CENATAC: variants seen among roughly 807,000 people sequenced by gnomAD.
CENATAC encodes the protein centrosomal AT-AC splicing factor.
In CENATAC, 53 loss-of-function variants were observed where a neutral mutation model predicts 53.7. That is an observed-to-expected ratio of 0.99 (90% CI 0.79 to 1.24). CENATAC has a LOEUF of 1.24. Ranked by LOEUF, CENATAC falls within the 50% of genes most tolerant of loss-of-function variation. The pLI is 0.00. For missense variants in CENATAC, 474 were observed against 417.8 expected, an observed-to-expected ratio of 1.13 and a Z score of -1.17; for synonymous variants, 156 against 144.6, an observed-to-expected ratio of 1.08 and a Z score of -0.57.
In CENATAC at chr11:119,015,282, TAA is replaced by T. The variant is rs139127336; in HGVS notation, c.806-22_806-21del. On this transcript the variant is annotated intron_variant, in intron 9 of 10. Transcript: ENST00000334418. ...CTCTATATTCTTCAATAAAGAAAAA[TAA>T]AAGTTTCCCTATCATTGTACAGAGG... The T allele has an allele frequency of 3.8e-3, 6,091 of 1,583,948 alleles. 192 individuals carry two copies. In the African/African-American group the frequency reaches 0.073, roughly 19 times the overall value.
At chr11:119,012,612 A>G (rs377522007) in intron 7 of CENATAC, 1 of 196,482 alleles carries the variant, frequency 5.1e-6, no homozygotes, top group Non-Finnish European at 1.1e-5. Flanking sequence ...TATCCTGTCA[A>G]CAAGCGGTCA....
At chr11:118,999,267 A>G (rs1010841958) in intron 3 of CENATAC, 158 bp downstream of exon 3, 2 of 573,342 alleles carry the variant, frequency 3.5e-6, no homozygotes, top group African/African-American at 3.7e-5. Context: ...ATTGGACACA[A>G]AAATGTGACA....
intron 5 of CENATAC, 57 bp downstream of exon 5, chr11:119,011,340 C>T: frequency 6.6e-7 from 1 of 1,523,470 alleles, no homozygotes; most frequent in Non-Finnish European, 9.1e-7. Flanking sequence ...CCCTGGCATT[C>T]CCAGGTCCAG....
At chr11:119,008,969 GT>G (rs1942739783) in intron 3 of CENATAC, among the ~76,000 whole-genome samples, 1 of 136,324 alleles carries the variant, frequency 7.3e-6, no homozygotes, top group African/African-American at 3.4e-5. Context: ...TCCAAGTTGG[GT>G]CAAAGTGGCT....
Position 119,015,665 on chromosome 11 carries a change from C to G in CENATAC, c.*67C>G, listed in dbSNP as rs763460226. 8.7e-6 allele frequency: 13 copies of G among 1,487,118 alleles called. No individual in the cohort carries two copies. Among genetic ancestry groups the G allele is most frequent in the African/African-American group, 1.4e-5 (1 of 71,896 alleles). 92.1% of individuals were successfully genotyped at this position (1,487,118 alleles called of 1,614,324 possible). On this transcript the variant is annotated 3_prime_UTR_variant, in exon 11 of 11. Coordinates refer to ENST00000334418, the MANE Select transcript of CENATAC (RefSeq NM_198489.3). ...AACAAACCCCTATTATACCTTCCAC[C>G]AAATTCTTTATCATTGTCTTTCTTA...
intron 2 of CENATAC, 90 bp from the exon 3 acceptor site, chr11:118,998,921 G>A: frequency 2.0e-6 from 2 of 991,504 alleles, no homozygotes; most frequent in Non-Finnish European, 3.1e-6. Context: ...CAGAAACCCA[G>A]ATGTCAGTTT....
At chr11:119,014,849 G>A (rs912337727) in intron 8 of CENATAC, 145 bp from the exon 9 acceptor site, 12 of 564,504 alleles carry the variant, frequency 2.1e-5, no homozygotes, top group Non-Finnish European at 3.4e-5. Context: ...ATTAGCCTAG[G>A]GCCTTCTAAA....
chr11:119,015,136 G>C (rs1943096075), intron 9 of CENATAC, 53 bp downstream of exon 9: 1 of 1,529,778 alleles, frequency 6.5e-7, no homozygotes, highest in African/African-American at 1.4e-5. Context: ...CTCAAAAATG[G>C]TTTCCTTGCC....
At position 119,012,082 on chromosome 11, in the gene CENATAC, C is replaced by T. The variant is rs1942894180; in HGVS notation, c.579-67C>T. On this transcript the variant is annotated intron_variant, in intron 6 of 10. Coordinates refer to ENST00000334418, the MANE Select transcript of CENATAC (RefSeq NM_198489.3). ...CAACCTTTTGCCTGGGAAATGGAAACAGATCTAATCTTTACCACCCTCATG... is the reference window on the plus strand; with the variant it reads ...CAACCTTTTGCCTGGGAAATGGAAATAGATCTAATCTTTACCACCCTCATG... The T allele has an allele frequency of 2.5e-6, 4 of 1,613,768 alleles. No individual in the cohort carries two copies. In the East Asian group the frequency reaches 8.9e-5, roughly 36 times the overall value.
rs782196171 is a variant in CENATAC at position 119,011,271 on chromosome 11, G to A, written c.501G>A (p.Arg167=). Residue 167 remains arginine (R), a synonymous_variant, in exon 5 of 11, where the codon CGG becomes CGA. Transcript: ENST00000334418. The part of the protein sequence containing the change: ...EVEQSRQEVV[R]SVLEPQAVPD... ...AGCAGAGCCGACAGGAGGTGGTTCG[G>A]TCTGTCTTAGAGGTTGGTTTCCCTC... The A allele has an allele frequency of 1.8e-5, 29 of 1,614,010 alleles. No individual in the cohort carries two copies. Among genetic ancestry groups the A allele is most frequent in the Non-Finnish European group, 2.5e-5 (29 of 1,179,992 alleles).
At chr11:119,013,517 G>T (rs553329092) in intron 8 of CENATAC, among the ~76,000 whole-genome samples, 172 of 149,024 alleles carry the variant, frequency 1.2e-3, no homozygotes, top group African/African-American at 4.2e-3. Flanking sequence ...AGGCTGGAGT[G>T]CAGTGGCGGG....
chr11:118,998,529 C>T lies in CENATAC; in HGVS notation c.220C>T (p.Arg74Trp), dbSNP rs1942127188. The change falls in exon 2 of 11, where the codon CGG becomes TGG. Residue 74 changes from arginine to tryptophan, a missense_variant. Physicochemically the swap from Arg to Trp is moderately radical, Grantham distance 101. Transcript: ENST00000334418. ...GTGCCTGTGCTGCGGCTGTGAGGTGCGGGAACACCTGAGCCATGGAAACCT... is the reference window on the plus strand; with the variant it reads ...GTGCCTGTGCTGCGGCTGTGAGGTGTGGGAACACCTGAGCCATGGAAACCT... The part of the protein sequence containing the change: ...CWCLCCGCEV[R>W]EHLSHGNLTV... 5.6e-6 allele frequency: 9 copies of T among 1,605,406 alleles called. No homozygotes were observed. Among genetic ancestry groups the T allele is most frequent in the South Asian group, 4.5e-5 (4 of 89,746 alleles).
At chr11:119,011,367 GCTTCTT>G (rs772166384) in intron 5 of CENATAC, 84 bp downstream of exon 5, 201 of 1,280,450 alleles carry the variant, frequency 1.6e-4, no homozygotes, top group Non-Finnish European at 2.0e-4. Context: ...ATGGACTAGT[GCTTCTT>G]CTTCTTCTTT....
chr11:119,013,007 C>T lies in CENATAC; in HGVS notation c.685-225C>T, dbSNP rs1592077659. 5 of 458,230 alleles carry T rather than the reference C, an allele frequency of 1.1e-5. No homozygotes were observed. The East Asian group carries it at 1.8e-4, about 16-fold the overall frequency. The allele number at this position is 458,230 out of a possible 1,614,324, so 28.4% of individuals were successfully genotyped here. A position where few individuals can be genotyped will look rare whatever the true frequency, so the allele number is the denominator to read the frequency against. ...TGGCATGTAATAGCCACTCTACTTA[C>T]AGACATCTCCACTGTTATGACTGTG... On this transcript the variant is annotated intron_variant, in intron 7 of 10. Transcript: ENST00000334418.
chr11:119,011,279 T>C lies in CENATAC; in HGVS notation c.509T>C (p.Leu170Ser), dbSNP rs782271351. The C allele has an allele frequency of 6.2e-7, 1 of 1,614,082 alleles. No homozygotes were observed. The highest frequency in any genetic ancestry group is 8.5e-7 in the Non-Finnish European group (1 of 1,179,964). The change falls in exon 5 of 11, where the codon TTA (leucine) becomes TCA (serine). Residue 170 changes from leucine (L) to serine (S), a missense_variant. Leu to Ser is a moderately radical substitution (Grantham distance 145). Transcript: ENST00000334418. ...CGACAGGAGGTGGTTCGGTCTGTCTTAGAGGTTGGTTTCCCTCGGAGGATC... is the reference window on the plus strand; with the variant it reads ...CGACAGGAGGTGGTTCGGTCTGTCTCAGAGGTTGGTTTCCCTCGGAGGATC... Reference protein sequence around the residue: ...QSRQEVVRSVLEPQAVPDPEE... With the variant: ...QSRQEVVRSVSEPQAVPDPEE...
chr11:119,011,372 T>G, intron 5 of CENATAC, 89 bp downstream of exon 5: 1 of 1,240,132 alleles, frequency 8.1e-7, no homozygotes, highest in East Asian at 2.5e-5. Context: ...CTAGTGCTTC[T>G]TCTTCTTCTT....
At chr11:119,001,672 A>C (rs782303589) in intron 3 of CENATAC, 1 of 456,040 alleles carries the variant, frequency 2.2e-6, no homozygotes, top group African/African-American at 2.0e-5. Context: ...AAAATTTTCA[A>C]GTGAACTCGT....
At chr11:119,001,678 C>T in intron 3 of CENATAC, 1 of 455,988 alleles carries the variant, frequency 2.2e-6, no homozygotes, top group Non-Finnish European at 4.4e-6. Context: ...TTCAAGTGAA[C>T]TCGTGCAGTT....
At chr11:119,005,863 G>A (rs1403116487) in intron 3 of CENATAC, 1 of 151,612 alleles carries the variant, frequency 6.6e-6, no homozygotes, top group East Asian at 1.9e-4. Flanking sequence ...CAAAGTATAG[G>A]AAAGAAACCT....
Sources: gnomAD v4.1 joint callset for allele counts (sites outside exome capture counted in the v4.1 genomes callset) on GRCh38, gnomAD v4.1.1 for gene constraint, MANE v1.5 for transcripts, NCBI Gene and HGNC (gene_info 2026-07-23, HGNC 2026-07-21) for gene names.